Variants in HTR1F observed in about 807,000 individuals in gnomAD.
HTR1F encodes the protein 5-hydroxytryptamine (serotonin) receptor 1F, G protein-coupled.
Under a neutral mutation model 24.0 loss-of-function variants are expected in HTR1F, and 17 were observed. The observed-to-expected ratio is 0.71, with a 90% CI of 0.48 to 1.06. HTR1F has a LOEUF of 1.06. Among genes scored for constraint, HTR1F ranks in the 50% least tolerant of loss-of-function variants. The pLI, the probability that HTR1F is intolerant of heterozygous loss-of-function variation, is 0.00. For missense variants in HTR1F, 391 were observed against 427.8 expected (o/e 0.91, Z 0.76); for synonymous variants, 186 against 156.8 (o/e 1.19, Z -1.39).
chr3:87,845,788 C>T (rs1575937321), intron 2 of HTR1F, among the ~76,000 whole-genome samples: 1 of 151,952 alleles, frequency 6.6e-6, no homozygotes, highest in Non-Finnish European at 1.5e-5. Context: ...ACAACAAAAA[C>T]TCGCTATTAC....
intron 2 of HTR1F, among the ~76,000 whole-genome samples, chr3:87,925,765 G>A (rs745580191): frequency 1.3e-5 from 2 of 152,090 alleles, no homozygotes; most frequent in Non-Finnish European, 2.9e-5. Context: ...ATGATTGCAG[G>A]TATTGGTAGT....
At position 87,991,599 on chromosome 3, in the gene HTR1F, T is replaced by A. The variant is rs868218434; in HGVS notation, c.850T>A (p.Ser284Thr). 5 of 1,614,070 alleles carry A rather than the reference T, an allele frequency of 3.1e-6. No individual in the cohort carries two copies. In the Middle Eastern group the frequency reaches 4.9e-4, roughly 160 times the overall value. The change falls in exon 3 of 3, where the codon TCA (serine) becomes ACA (threonine). Residue 284 changes from serine to threonine, a missense_variant. Transcript: ENST00000319595. ...GAAATCTTGGAGAAGGCAAAAGATC[T>A]CAGGTACAAGAGAACGGAAAGCAGC... is the stretch of plus-strand genomic sequence containing the variant. ...HEKSWRRQKISGTRERKAATT... is the reference protein window; with the variant it reads ...HEKSWRRQKITGTRERKAATT...
intron 2 of HTR1F, among the ~76,000 whole-genome samples, chr3:87,850,063 A>T: frequency 6.6e-6 from 1 of 151,942 alleles, no homozygotes; most frequent in Non-Finnish European, 1.5e-5. Context: ...TTCCTCAGGG[A>T]TCTAAAACTA....
intron 2 of HTR1F, among the ~76,000 whole-genome samples, chr3:87,904,746 A>G (rs1703621138): frequency 6.6e-6 from 1 of 152,126 alleles, no homozygotes; most frequent in Admixed American, 6.6e-5. Flanking sequence ...AATAGAATGC[A>G]TACACATTAT....
At chr3:87,931,871 C>A (rs1419442174) in intron 2 of HTR1F, among the ~76,000 whole-genome samples, 4 of 150,542 alleles carry the variant, frequency 2.7e-5, no homozygotes, top group African/African-American at 9.9e-5. Context: ...TGTTCATATC[C>A]TTTGCCCACT....
At chr3:87,899,120 T>C (rs1706266432) in intron 2 of HTR1F, among the ~76,000 whole-genome samples, 1 of 152,188 alleles carries the variant, frequency 6.6e-6, no homozygotes, top group Non-Finnish European at 1.5e-5. Flanking sequence ...GAATTTTTCA[T>C]TCTCAAAATT....
At chr3:87,950,448 T>A (rs1704807743) in intron 2 of HTR1F, among the ~76,000 whole-genome samples, 1 of 152,156 alleles carries the variant, frequency 6.6e-6, no homozygotes, top group South Asian at 2.1e-4. Flanking sequence ...TTTCAACCCT[T>A]CATTCATACA....
At chr3:87,985,698 A>T (rs1404842827) in intron 2 of HTR1F, among the ~76,000 whole-genome samples, 2 of 152,232 alleles carry the variant, frequency 1.3e-5, no homozygotes, top group Non-Finnish European at 2.9e-5. Flanking sequence ...GTCTCAGTAG[A>T]ATTGAATTTT....
At chr3:87,946,627 A>AT (rs113993620) in intron 2 of HTR1F, among the ~76,000 whole-genome samples, 1,803 of 129,132 alleles carry the variant, frequency 0.014, 20 homozygotes, top group South Asian at 0.052. Flanking sequence ...ATATATATAT[A>AT]TTTTTTTTTT....
intron 2 of HTR1F, among the ~76,000 whole-genome samples, chr3:87,952,540 C>T (rs1214611561): frequency 2.0e-5 from 3 of 151,904 alleles, no homozygotes; most frequent in Non-Finnish European, 4.4e-5. Context: ...AGTGCTAAAA[C>T]ATTGTCAGCA....
intron 1 of HTR1F, among the ~76,000 whole-genome samples, 181 bp downstream of exon 1, chr3:87,793,023 A>G (rs1398383216): frequency 6.6e-6 from 1 of 152,220 alleles, no homozygotes; most frequent in Non-Finnish European, 1.5e-5. Flanking sequence ...ACAGCGCAGG[A>G]ATTCAAGAAT....
At position 87,991,606 on chromosome 3, in the gene HTR1F, C is replaced by A. The variant is rs1576131354; in HGVS notation, c.857C>A (p.Thr286Lys). 6.2e-7 allele frequency: 1 copy of A among 1,613,924 alleles called. No individual in the cohort carries two copies. Residue 286 changes from threonine to lysine, a missense_variant, in exon 3 of 3, where the codon ACA (threonine) becomes AAA (lysine). By Grantham distance (78) the Thr-to-Lys change is moderately conservative (BLOSUM62 -1). Coordinates refer to ENST00000319595, the MANE Select transcript of HTR1F (RefSeq NM_001322209.2). Reference sequence around the variant, plus strand: ...TGGAGAAGGCAAAAGATCTCAGGTACAAGAGAACGGAAAGCAGCCACTACC... The same window carrying A: ...TGGAGAAGGCAAAAGATCTCAGGTAAAAGAGAACGGAAAGCAGCCACTACC... Reference protein sequence around the residue: ...KSWRRQKISGTRERKAATTLG... With the variant: ...KSWRRQKISGKRERKAATTLG...
chr3:87,947,863 C>A (rs1272989902), intron 2 of HTR1F, among the ~76,000 whole-genome samples: 1 of 151,972 alleles, frequency 6.6e-6, no homozygotes, highest in Non-Finnish European at 1.5e-5. Context: ...ATATATCTTT[C>A]TTAACACACT....
At chr3:87,929,405 G>A (rs60450218) in intron 2 of HTR1F, among the ~76,000 whole-genome samples, 4,887 of 152,244 alleles carry the variant, frequency 0.032, 239 homozygotes, top group African/African-American at 0.11. Context: ...ATTTTCAGAT[G>A]AAAATCAGCT....
chr3:87,945,112 ATCTC>A (rs112478679), intron 2 of HTR1F, among the ~76,000 whole-genome samples: 10 of 114,708 alleles, frequency 8.7e-5, no homozygotes, highest in East Asian at 2.3e-4. Context: ...TGTCTCCTCC[ATCTC>A]TCTCTCTCTC....
chr3:87,918,218 C>T (rs758149798), intron 2 of HTR1F, among the ~76,000 whole-genome samples: 21 of 151,900 alleles, frequency 1.4e-4, no homozygotes, highest in Admixed American at 4.6e-4. Context: ...AAGGGACATA[C>T]GTCAATATAA....
chr3:87,800,824 A>G (rs1429733799), intron 1 of HTR1F, among the ~76,000 whole-genome samples: 2 of 152,196 alleles, frequency 1.3e-5, no homozygotes, highest in Non-Finnish European at 2.9e-5. Context: ...TACTCTGTCT[A>G]TGGCATTTCT....
At chr3:87,913,175 T>C (rs1183569487) in intron 2 of HTR1F, among the ~76,000 whole-genome samples, 2 of 152,084 alleles carry the variant, frequency 1.3e-5, no homozygotes, top group African/African-American at 2.4e-5. Flanking sequence ...ATGAAAATTT[T>C]TGCACACCAT....
At chr3:87,816,962 G>T (rs1318849768) in intron 1 of HTR1F, among the ~76,000 whole-genome samples, 1 of 151,936 alleles carries the variant, frequency 6.6e-6, no homozygotes, top group African/African-American at 2.4e-5. Flanking sequence ...GAATATTTTG[G>T]TATCAAAATA....
Sources: allele counts gnomAD v4.1 joint callset (sites outside exome capture counted in the v4.1 genomes callset), GRCh38; gene constraint gnomAD v4.1.1; transcripts MANE v1.5; gene names NCBI Gene and HGNC (gene_info 2026-07-23, HGNC 2026-07-21).